Variants in IRAG2 observed in about 807,000 individuals in gnomAD.
IRAG2 encodes the protein inositol 1,4,5-triphosphate receptor associated 2.
IRAG2 carries 45 observed loss-of-function variants against 69.9 expected under a neutral mutation model. That is an observed-to-expected ratio of 0.64 (90% confidence interval 0.51 to 0.83). IRAG2 has a LOEUF of 0.83. Among genes scored for constraint, IRAG2 ranks in the 40% least tolerant of loss-of-function variants. The pLI, the probability that IRAG2 is intolerant of heterozygous loss-of-function variation, is 0.00. For synonymous variants in IRAG2, 193 were observed against 202.4 expected (o/e 0.95, Z 0.40); for missense variants, 520 against 587.0 (o/e 0.89, Z 1.18).
intron 10 of IRAG2, among the ~76,000 whole-genome samples, chr12:25,086,070 A>T (rs1947582986): frequency 6.6e-6 from 1 of 152,176 alleles, no homozygotes; most frequent in Non-Finnish European, 1.5e-5. Flanking sequence ...AGAGAATAAA[A>T]TTCCTTCTCA....
intron 6 of IRAG2, among the ~76,000 whole-genome samples, chr12:25,075,521 CGTGTGTGTGTGTGTGTGT>C (rs747046833): frequency 7.2e-6 from 1 of 139,266 alleles, no homozygotes; most frequent in Non-Finnish European, 1.6e-5. Context: ...TGTGTGTATG[CGTGTGTGTGTGTGTGTGT>C]GTGTGTGTGT....
chr12:25,087,342 AT>A (rs1947694506), intron 10 of IRAG2, among the ~76,000 whole-genome samples: 1 of 150,876 alleles, frequency 6.6e-6, no homozygotes, highest in Non-Finnish European at 1.5e-5. Context: ...TAATTTTTGT[AT>A]TTTTAGTAGA....
At chr12:25,063,968 G>C (rs1427377286) in intron 4 of IRAG2, among the ~76,000 whole-genome samples, 152 bp downstream of exon 4, 1 of 152,136 alleles carries the variant, frequency 6.6e-6, no homozygotes, top group East Asian at 1.9e-4. Context: ...ATATATTTGA[G>C]TACCTGCTCT....
At chr12:25,034,352 C>T (rs779782188) in intron 13 of IRAG2, among the ~76,000 whole-genome samples, 1 of 152,112 alleles carries the variant, frequency 6.6e-6, no homozygotes, top group Non-Finnish European at 1.5e-5. Flanking sequence ...AGAAACAATA[C>T]CAAATTTATT....
At chr12:25,025,472 A>G (rs1470111072) in intron 8 of IRAG2, among the ~76,000 whole-genome samples, 1 of 152,248 alleles carries the variant, frequency 6.6e-6, no homozygotes, top group East Asian at 1.9e-4. Context: ...CAAGGGGCTT[A>G]CACACGCATC....
chr12:25,008,326 G>A (rs545888633), intron 2 of IRAG2, among the ~76,000 whole-genome samples: 31 of 152,158 alleles, frequency 2.0e-4, no homozygotes, highest in Admixed American at 6.5e-4. Context: ...TTGGGGCTGG[G>A]TGGGGTGGCT....
chr12:25,079,268 C>T lies in IRAG2; in HGVS notation c.49C>T (p.Pro17Ser), dbSNP rs2140102817. 6.2e-7 allele frequency: 1 copy of T among 1,614,058 alleles called. No homozygotes were observed. Among genetic ancestry groups the T allele is most frequent in the South Asian group, 1.1e-5 (1 of 91,072 alleles). ...MEENGVERVC[P>S]ESLLQSREYS... is the part of the protein sequence containing the mutation. The stretch of plus-strand genomic sequence containing the variant: ...GGAGAATGGTGTTGAACGCGTGTGT[C>T]CTGAGAGCCTGCTGCAGTCCAGGTT... The change falls in exon 7 of 22, where the codon CCT (proline) becomes TCT (serine). Residue 17 changes from proline (P) to serine (S), a missense_variant. Physicochemically the swap from Pro to Ser is moderately conservative, Grantham distance 74 (BLOSUM62 -1). Coordinates refer to ENST00000556887, the MANE Select transcript of IRAG2 (RefSeq NM_001366544.2).
At chr12:25,076,841 C>CT (rs1379661441) in intron 6 of IRAG2, among the ~76,000 whole-genome samples, 2 of 151,662 alleles carry the variant, frequency 1.3e-5, no homozygotes, top group Non-Finnish European at 2.9e-5. Context: ...TAATTTTCTC[C>CT]TTTTTTTATA....
upstream of IRAG2, among the ~76,000 whole-genome samples, chr12:25,000,275 A>G (rs771503477): frequency 3.9e-5 from 6 of 152,154 alleles, no homozygotes; most frequent in Non-Finnish European, 7.4e-5. Flanking sequence ...GGGAAACCCC[A>G]TCTCTACCAA....
At chr12:25,037,987 T>C (rs16928360) in exon 16 of IRAG2, 2 of 398,722 alleles carry the variant, frequency 5.0e-6, no homozygotes, top group South Asian at 2.5e-4. Flanking sequence ...TTCAACAATA[T>C]CATGGAAGAG....
intron 6 of IRAG2, among the ~76,000 whole-genome samples, chr12:25,071,829 T>G (rs1195439920): frequency 6.6e-6 from 1 of 152,120 alleles, no homozygotes; most frequent in Non-Finnish European, 1.5e-5. Flanking sequence ...GTACTGCCTT[T>G]TATATCTAAA....
upstream of IRAG2, chr12:25,052,532 G>A (rs1476810975): frequency 5.0e-6 from 2 of 396,996 alleles, no homozygotes; most frequent in East Asian, 3.6e-5. Flanking sequence ...TTGTAAGAGA[G>A]GCGGTATCAA....
At chr12:25,084,942 T>A (rs1444274096) in intron 10 of IRAG2, among the ~76,000 whole-genome samples, 2 of 152,342 alleles carry the variant, frequency 1.3e-5, no homozygotes, top group Middle Eastern at 3.4e-3. Context: ...CAGTGGTGTG[T>A]CTCACCTGCT....
chr12:25,066,199 G>A (rs1431882418), intron 4 of IRAG2, among the ~76,000 whole-genome samples, 166 bp from the exon 5 acceptor site: 6 of 151,926 alleles, frequency 3.9e-5, no homozygotes, highest in Non-Finnish European at 7.4e-5. Flanking sequence ...AGCATTTGAC[G>A]TTTTTACCCT....
At chr12:25,061,969 G>A (rs1438629860) in intron 2 of IRAG2, among the ~76,000 whole-genome samples, 1 of 152,164 alleles carries the variant, frequency 6.6e-6, no homozygotes, top group Non-Finnish European at 1.5e-5. Context: ...CTTTCTGATA[G>A]TAAGGGCATA....
intron 9 of IRAG2, among the ~76,000 whole-genome samples, chr12:25,028,535 C>T (rs1446584197): frequency 6.6e-6 from 1 of 151,990 alleles, no homozygotes; most frequent in Admixed American, 6.6e-5. Context: ...AAAAATTTAT[C>T]CCTAATTATA....
chr12:25,101,273 GA>G lies in IRAG2; in HGVS notation c.840del (p.Lys280AsnfsTer29). 6.2e-7 allele frequency: 1 copy of G among 1,611,496 alleles called. No individual in the cohort carries two copies. Among genetic ancestry groups the G allele is most frequent in the East Asian group, 2.2e-5 (1 of 44,778 alleles). On this transcript the variant is annotated frameshift_variant, in exon 16 of 22. Coordinates refer to ENST00000556887, the MANE Select transcript of IRAG2 (RefSeq NM_001366544.2). LOFTEE classifies it high-confidence loss of function. ...AAGAGCACGCTGAATTAGAAGAACT[GA>G]AACAGGTTCTTCTGCAGAATGAAAG... ...AKEHAELEEL[K>X]QVLLQNERSF...
In IRAG2 at chr12:25,096,903, T is replaced by A; in HGVS notation, c.607-7T>A. 1 of 1,604,596 alleles carries A rather than the reference T, an allele frequency of 6.2e-7. No homozygotes were observed. ...AGATATCTTTTAATATGCTGTTTTCTATACAGTCTTTAACACCTCTGTGTG... is the reference window on the plus strand; with the variant it reads ...AGATATCTTTTAATATGCTGTTTTCAATACAGTCTTTAACACCTCTGTGTG... On this transcript the variant is annotated splice_region_variant and splice_polypyrimidine_tract_variant and intron_variant, in intron 14 of 21. Transcript: ENST00000556887.
At chr12:25,017,334 C>A (rs1944538461) in intron 6 of IRAG2, 3 of 1,228,512 alleles carry the variant, frequency 2.4e-6, no homozygotes, top group Non-Finnish European at 3.0e-6. Flanking sequence ...ACTTTCATTT[C>A]TTTTTTCTTT....
Sources: allele counts gnomAD v4.1 joint callset (sites outside exome capture counted in the v4.1 genomes callset), GRCh38; gene constraint gnomAD v4.1.1; transcripts MANE v1.5; gene names NCBI Gene and HGNC (gene_info 2026-07-23, HGNC 2026-07-21).